The following CSNK2A2 variants were observed in gnomAD, a reference collection of about 807,000 sequenced individuals.
The protein encoded by CSNK2A2 is casein kinase II subunit alpha'.
A neutral mutation model predicts 54.0 loss-of-function variants in CSNK2A2; 8 were observed. The ratio of observed to expected loss-of-function variants is 0.15; its 90% CI spans 0.09 to 0.27. The LOEUF is 0.27. Ranked by LOEUF, CSNK2A2 falls within the 10% of genes least tolerant of loss-of-function variation. The pLI is 1.00. For synonymous variants in CSNK2A2, 141 were observed against 153.9 expected, an observed-to-expected ratio of 0.92 and a Z score of 0.62; for missense variants, 242 against 439.4, an observed-to-expected ratio of 0.55 and a Z score of 4.02.
At chr16:58,168,477 G>A (rs982092511) in intron 6 of CSNK2A2, 133 bp downstream of exon 6, 2 of 629,932 alleles carry the variant, frequency 3.2e-6, no homozygotes, top group Non-Finnish European at 5.7e-6. Context: ...AATGGAGATG[G>A]GAGAAATCAC....
chr16:58,194,953 TAC>T (rs1962396870), intron 2 of CSNK2A2, among the ~76,000 whole-genome samples: 1 of 151,694 alleles, frequency 6.6e-6, no homozygotes, highest in African/African-American at 2.4e-5. Flanking sequence ...CAGAAAATCA[TAC>T]ACTTATTCTA....
chr16:58,193,207 AGAAATAAAGAG>A (rs1392834700), intron 2 of CSNK2A2, among the ~76,000 whole-genome samples: 3 of 152,216 alleles, frequency 2.0e-5, no homozygotes, highest in Admixed American at 2.0e-4. Context: ...CTACCACAGG[AGAAATAAAGAG>A]GAAATAAAGA....
chr16:58,188,604 T>C (rs1359717425), intron 2 of CSNK2A2, among the ~76,000 whole-genome samples: 2 of 152,240 alleles, frequency 1.3e-5, no homozygotes, highest in Non-Finnish European at 2.9e-5. Flanking sequence ...AGCTGGCAAA[T>C]GTGAATGAGA....
At chr16:58,174,327 A>T in intron 5 of CSNK2A2, 124 bp downstream of exon 5, 1 of 674,950 alleles carries the variant, frequency 1.5e-6, no homozygotes, top group Non-Finnish European at 2.4e-6. Context: ...ATATAAGTTT[A>T]AAAACTTCAC....
At chr16:58,159,395 T>C (rs1017349298) in intron 11 of CSNK2A2, among the ~76,000 whole-genome samples, 11 of 152,090 alleles carry the variant, frequency 7.2e-5, no homozygotes, top group Admixed American at 3.9e-4. Context: ...AGCAAGTACA[T>C]AAAAACGGAA....
chr16:58,163,074 A>T (rs546586944), intron 11 of CSNK2A2: 1 of 152,060 alleles, frequency 6.6e-6, no homozygotes, highest in South Asian at 2.1e-4. Flanking sequence ...TTTTTTCCAT[A>T]AGTCTTTCCT....
intron 11 of CSNK2A2, among the ~76,000 whole-genome samples, 162 bp from the exon 12 acceptor site, chr16:58,158,515 C>CAGT (rs1961218377): frequency 6.6e-6 from 1 of 152,226 alleles, no homozygotes; most frequent in Non-Finnish European, 1.5e-5. Context: ...AGGTTTCCAA[C>CAGT]AGTACCCTCT....
chr16:58,174,597 G>T, intron 4 of CSNK2A2, 87 bp from the exon 5 acceptor site: 1 of 1,001,716 alleles, frequency 1.0e-6, no homozygotes, highest in Non-Finnish European at 1.5e-6. Flanking sequence ...AAGCTTATTT[G>T]ATACTTAAGT....
rs2142395735 is a variant in CSNK2A2, at chr16:58,158,127, C to G, written c.*244G>C. ...ATACCCTTCACATTCCCCATGCTTT[C>G]TGGGTCGGGAAGAAGTCAACAGGAA... On this transcript the variant is annotated 3_prime_UTR_variant, in exon 12 of 12. Transcript: ENST00000262506. 6.5e-6 allele frequency: 1 copy of G among 152,682 alleles called. No individual in the cohort carries two copies. Among genetic ancestry groups the G allele is most frequent in the East Asian group, 1.9e-4 (1 of 5,166 alleles). 9.5% of individuals were successfully genotyped at this position (152,682 alleles called of 1,614,324 possible).
rs1962136380 is a variant in CSNK2A2, at chr16:58,184,244, A to C, written c.369+16T>G. ...TCACCCCGTTAACCCCATGCCAGAA[A>C]GAAAAGCATACGCACCTTAAAATCT... On this transcript the variant is annotated intron_variant, in intron 4 of 11. Transcript: ENST00000262506. 5 of 1,596,280 alleles carry C rather than the reference A, an allele frequency of 3.1e-6. No homozygotes were observed. The South Asian group carries it at 3.4e-5, about 11-fold the overall frequency.
chr16:58,161,112 A>G (rs925912254), intron 11 of CSNK2A2: 1 of 152,266 alleles, frequency 6.6e-6, no homozygotes, highest in African/African-American at 2.4e-5. Flanking sequence ...CATCCAGGGG[A>G]GAGTGAACTG....
At position 58,197,586 on chromosome 16, in the gene CSNK2A2, C is replaced by G. The variant is rs1236137666; in HGVS notation, c.104+47G>C. 7 of 1,345,142 alleles carry G rather than the reference C, an allele frequency of 5.2e-6. 1 individual carries two copies. Among genetic ancestry groups the G allele is most frequent in the Non-Finnish European group, 7.1e-6 (7 of 987,804 alleles). 83.3% of individuals were successfully genotyped at this position (1,345,142 alleles called of 1,614,324 possible). On this transcript the variant is annotated intron_variant, in intron 1 of 11. Coordinates refer to ENST00000262506, the MANE Select transcript of CSNK2A2 (RefSeq NM_001896.4). This position sits in a 1 kb window ranked among gnomAD's most constrained non-coding sequence, Gnocchi z 4.0. ...GTGCGGTTCGCAGGGGGTGGCCGGG[C>G]GGGGGCAGGGATCAGCGGGCCCGGC...
intron 4 of CSNK2A2, among the ~76,000 whole-genome samples, chr16:58,183,839 G>A (rs1435691555): frequency 2.0e-5 from 3 of 152,230 alleles, no homozygotes; most frequent in East Asian, 1.9e-4. Flanking sequence ...CGTCACGTGC[G>A]CAAACACACA....
chr16:58,169,904 G>C (rs1296955449), intron 5 of CSNK2A2, among the ~76,000 whole-genome samples: 2 of 152,190 alleles, frequency 1.3e-5, no homozygotes, highest in East Asian at 3.9e-4. Context: ...AAATTAGCCA[G>C]GCAAGGTGGT....
At chr16:58,173,516 A>C (rs1173909104) in intron 5 of CSNK2A2, among the ~76,000 whole-genome samples, 2 of 152,224 alleles carry the variant, frequency 1.3e-5, no homozygotes, top group African/African-American at 4.8e-5. Context: ...CATTCCTTTA[A>C]GTGCTTATCT....
chr16:58,186,723 C>CTAG (rs1278600447), intron 3 of CSNK2A2, 32 bp downstream of exon 3: 1 of 1,516,786 alleles, frequency 6.6e-7, no homozygotes, highest in Non-Finnish European at 9.1e-7. Context: ...CCCCGGTCTA[C>CTAG]TAGTATACTC....
intron 11 of CSNK2A2, chr16:58,163,494 C>T (rs1961457684): frequency 6.6e-6 from 1 of 151,156 alleles, no homozygotes; most frequent in African/African-American, 2.4e-5. Flanking sequence ...TGGAGGAAAA[C>T]TGCGGGGATG....
At chr16:58,186,904 T>G (rs1962207850) in intron 2 of CSNK2A2, 48 bp from the exon 3 acceptor site, 1 of 1,423,540 alleles carries the variant, frequency 7.0e-7, no homozygotes. Flanking sequence ...TTGAAGTTAA[T>G]AAATAAAACT....
intron 5 of CSNK2A2, among the ~76,000 whole-genome samples, chr16:58,169,112 G>A (rs1320239744): frequency 6.6e-6 from 1 of 151,944 alleles, no homozygotes; most frequent in East Asian, 2.0e-4. Flanking sequence ...ATTTTTAGTA[G>A]AGACAGGGTT....
Sources: gnomAD v4.1 joint callset for allele counts (sites outside exome capture counted in the v4.1 genomes callset) on GRCh38, gnomAD v4.1.1 for gene constraint, Gnocchi (gnomAD v3.1) non-coding constraint, MANE v1.5 for transcripts, NCBI Gene and HGNC (gene_info 2026-07-23, HGNC 2026-07-21) for gene names.